SLC14A2: variants seen among roughly 807,000 people sequenced by gnomAD.
SLC14A2 encodes the protein urea transporter 2.
In SLC14A2, 91 loss-of-function variants were observed where a neutral mutation model predicts 104.6. That is an observed-to-expected ratio of 0.87 (90% CI 0.73 to 1.04). SLC14A2 has a LOEUF of 1.04. SLC14A2 is among the 50% of genes least tolerant of loss of function. SLC14A2 has a pLI of 0.00. For missense variants in SLC14A2, 1,189 were observed against 1,156.0 expected, an observed-to-expected ratio of 1.03 and a Z score of -0.41; for synonymous variants, 476 against 466.4, an observed-to-expected ratio of 1.02 and a Z score of -0.27.
chr18:45,410,848 G>A (rs1172746355), intron 1 of SLC14A2, among the ~76,000 whole-genome samples: 3 of 152,146 alleles, frequency 2.0e-5, no homozygotes, highest in Non-Finnish European at 4.4e-5. Flanking sequence ...ACCTCCCAGT[G>A]CCCTTTCTCT....
chr18:45,186,469 C>T, the SLC14A2 span, among the ~76,000 whole-genome samples: 39 of 152,264 alleles, frequency 2.6e-4, no homozygotes, highest in African/African-American at 9.4e-4. Flanking sequence ...AATGTAAAAC[C>T]TGAACTATAA....
intron 1 of SLC14A2, among the ~76,000 whole-genome samples, chr18:45,483,004 CATAA>C (rs2087526190): frequency 1.3e-5 from 2 of 152,274 alleles, no homozygotes; most frequent in South Asian, 4.2e-4. Context: ...TGCATGTATA[CATAA>C]ATATTCATGA....
chr18:45,233,738 A>C, intron 1 of SLC14A2, among the ~76,000 whole-genome samples: 1 of 150,488 alleles, frequency 6.6e-6, no homozygotes, highest in Non-Finnish European at 1.5e-5. Flanking sequence ...AGTGCTCATC[A>C]CTTTCCCGCC....
At chr18:45,422,190 C>T (rs2086358478) in intron 1 of SLC14A2, among the ~76,000 whole-genome samples, 1 of 152,136 alleles carries the variant, frequency 6.6e-6, no homozygotes, top group Non-Finnish European at 1.5e-5. Flanking sequence ...GACTGTCAAT[C>T]TGGCAAGAGG....
chr18:45,475,658 T>TATATTTAGG (rs1555693786), intron 1 of SLC14A2, among the ~76,000 whole-genome samples: 2 of 89,948 alleles, frequency 2.2e-5, no homozygotes, highest in African/African-American at 1.2e-4. Flanking sequence ...TATATATATA[T>TATATTTAGG]ATATATATAT....
intron 1 of SLC14A2, among the ~76,000 whole-genome samples, chr18:45,476,642 C>T (rs1032820219): frequency 2.0e-5 from 3 of 152,034 alleles, no homozygotes; most frequent in African/African-American, 7.2e-5. Context: ...TTGGTCTTTT[C>T]ACATAGTCCC....
intron 1 of SLC14A2, among the ~76,000 whole-genome samples, chr18:45,445,179 T>C (rs2086746942): frequency 1.4e-5 from 2 of 147,604 alleles, no homozygotes; most frequent in South Asian, 4.3e-4. Flanking sequence ...TGGCACAACG[T>C]TGGCTCACCG....
chr18:45,294,068 G>C lies in SLC14A2; in HGVS notation c.-125+80877G>C, dbSNP rs1055252004. ...GGGAAAAATAGATACTGTCTTAAAA[G>C]AGTCATTTCTTTTACCATTCATGTG... is the stretch of plus-strand genomic sequence containing the variant. On this transcript the variant is annotated intron_variant, in intron 1 of 20. Transcript: ENST00000586448. 6.6e-5 allele frequency among the ~76,000 whole-genome samples: 10 copies of C among 152,294 alleles called. No homozygotes were observed. In the East Asian group the frequency reaches 1.9e-3, roughly 29 times the overall value.
intron 1 of SLC14A2, among the ~76,000 whole-genome samples, chr18:45,220,649 A>G (rs745799577): frequency 6.6e-6 from 1 of 152,206 alleles, no homozygotes; most frequent in East Asian, 1.9e-4. Context: ...GGCATTTGAC[A>G]TCCTGCACTC....
rs531783008 is a variant in SLC14A2, at chr18:45,443,606, T to C, written c.-124-39627T>C. On this transcript the variant is annotated intron_variant, in intron 1 of 20. Transcript: ENST00000586448. ...GGGGGAAGAGTTAGAGTAATCTTTG[T>C]AGGTTTTATGGCTGGATTGGGGGAA... Among the ~76,000 whole-genome samples, 117 of 152,142 alleles carry C rather than the reference T, an allele frequency of 7.7e-4. 6 individuals are homozygous for C. In the South Asian group the frequency reaches 0.022, roughly 28 times the overall value.
intron 1 of SLC14A2, among the ~76,000 whole-genome samples, chr18:45,249,835 G>C (rs1417400920): frequency 6.6e-6 from 1 of 152,110 alleles, no homozygotes; most frequent in African/African-American, 2.4e-5. Flanking sequence ...TGTAGTCCTA[G>C]CTACTAAGGA....
intron 1 of SLC14A2, among the ~76,000 whole-genome samples, chr18:45,275,090 G>C (rs2084688745): frequency 6.6e-6 from 1 of 152,156 alleles, no homozygotes; most frequent in Non-Finnish European, 1.5e-5. Context: ...ATAGAGCTTG[G>C]AAAGGGGTTG....
chr18:45,525,626 C>G (rs963233220), intron 2 of SLC14A2, among the ~76,000 whole-genome samples: 1 of 152,198 alleles, frequency 6.6e-6, no homozygotes, highest in Non-Finnish European at 1.5e-5. Flanking sequence ...TTTCAAAATG[C>G]TCACAAACTT....
chr18:45,265,469 T>C (rs976118156), intron 1 of SLC14A2, among the ~76,000 whole-genome samples: 4 of 152,202 alleles, frequency 2.6e-5, no homozygotes, highest in African/African-American at 9.6e-5. Flanking sequence ...TATGATTTTA[T>C]CTGGTTCTAT....
intron 5 of SLC14A2, among the ~76,000 whole-genome samples, chr18:45,635,778 A>G (rs929936221): frequency 7.9e-5 from 12 of 152,244 alleles, no homozygotes; most frequent in Non-Finnish European, 1.2e-4. Context: ...CCTGATGAGA[A>G]TGATCCAAAG....
At chr18:45,253,822 T>A (rs2084447568) in intron 1 of SLC14A2, among the ~76,000 whole-genome samples, 1 of 152,234 alleles carries the variant, frequency 6.6e-6, no homozygotes, top group African/African-American at 2.4e-5. Flanking sequence ...CTAAATTAAA[T>A]TTTTATAGAA....
chr18:45,212,195 T>C (rs967860040), upstream of SLC14A2, among the ~76,000 whole-genome samples: 13 of 152,246 alleles, frequency 8.5e-5, no homozygotes, highest in African/African-American at 3.1e-4. Context: ...GCATAGAAGG[T>C]ATTTTCATTT....
At chr18:45,535,241 T>A (rs886177539) in intron 2 of SLC14A2, among the ~76,000 whole-genome samples, 2 of 152,232 alleles carry the variant, frequency 1.3e-5, no homozygotes, top group Admixed American at 6.5e-5. Context: ...CACTTGCTAT[T>A]AATGACAAAG....
chr18:45,552,987 T>C (rs2044077471), intron 2 of SLC14A2, among the ~76,000 whole-genome samples: 1 of 152,084 alleles, frequency 6.6e-6, no homozygotes. Flanking sequence ...TGGCTAGGGA[T>C]AGAAGAAAGG....
Sources: gnomAD v4.1 joint callset for allele counts (sites outside exome capture counted in the v4.1 genomes callset) on GRCh38, gnomAD v4.1.1 for gene constraint, MANE v1.5 for transcripts, NCBI Gene and HGNC (gene_info 2026-07-23, HGNC 2026-07-21) for gene names.